The following USP12 variants were observed in gnomAD, a reference collection of about 807,000 sequenced individuals.
USP12 encodes the protein ubiquitin specific peptidase 12.
A neutral mutation model predicts 45.5 loss-of-function variants in USP12; 19 were observed. That is an observed-to-expected ratio of 0.42 (90% CI 0.29 to 0.61). The LOEUF is 0.61. USP12 is among the 20% of genes least tolerant of loss of function. The probability of loss-of-function intolerance (pLI) is 0.22; values close to 1 mark genes in which losing one functional copy is unlikely to be tolerated. For synonymous variants in USP12, 149 were observed against 148.8 expected (o/e 1.00, Z -0.01); for missense variants, 242 against 447.7 (o/e 0.54, Z 4.15).
intron 1 of USP12, chr13:27,170,230 A>G (rs7333276): frequency 0.026 from 10,296 of 398,414 alleles, 386 homozygotes; most frequent in African/African-American, 0.12. Context: ...AATACTGTCG[A>G]TTTTATGTCC....
At chr13:27,071,614 G>A (rs546404703) in intron 7 of USP12, among the ~76,000 whole-genome samples, 1 of 152,038 alleles carries the variant, frequency 6.6e-6, no homozygotes, top group Non-Finnish European at 1.5e-5. Flanking sequence ...AACAGGCAAG[G>A]ATATCAAATC....
chr13:27,070,637 T>A (rs1231635848), intron 8 of USP12, among the ~76,000 whole-genome samples: 5 of 150,906 alleles, frequency 3.3e-5, no homozygotes, highest in Non-Finnish European at 7.4e-5. Context: ...CACCACAACC[T>A]CCGCCTCCCG....
intron 1 of USP12, among the ~76,000 whole-genome samples, chr13:27,148,209 A>G (rs1593208384): frequency 1.3e-5 from 2 of 152,180 alleles, no homozygotes; most frequent in African/African-American, 4.8e-5. Context: ...AAGAAATACT[A>G]AAGAAAGTTG....
chr13:27,153,676 G>A (rs1464619067), intron 1 of USP12, among the ~76,000 whole-genome samples: 4 of 152,070 alleles, frequency 2.6e-5, no homozygotes, highest in African/African-American at 9.7e-5. Context: ...TGTTCTGCTG[G>A]ATGTGAATTT....
rs189669353 is a variant in USP12, at chr13:27,159,120, G to A, written c.48+12472C>T. Among the ~76,000 whole-genome samples the A allele has an allele frequency of 1.7e-4, 26 of 152,268 alleles. 1 individual carries two copies. The highest frequency in any genetic ancestry group is 1.6e-3 in the Admixed American group (24 of 15,296). ...AATTTTGCAGTTTTAAAAATAGTAA[G>A]TGGTTTGGTTTTTCTTAAACTTCTA... On this transcript the variant is annotated intron_variant, in intron 1 of 8. Transcript: ENST00000282344.
At chr13:27,130,579 A>G (rs2137810373) in intron 1 of USP12, among the ~76,000 whole-genome samples, 1 of 151,390 alleles carries the variant, frequency 6.6e-6, no homozygotes, top group South Asian at 2.1e-4. Flanking sequence ...AAAAAAAAGG[A>G]AAATATGGTG....
chr13:27,152,959 A>G (rs4771074), intron 1 of USP12, among the ~76,000 whole-genome samples: 86,540 of 140,874 alleles, frequency 0.61, 26,903 homozygotes, highest in South Asian at 0.83. Context: ...AAAAAAAAAA[A>G]GAAAGAAAGA....
intron 1 of USP12, among the ~76,000 whole-genome samples, chr13:27,124,448 A>C (rs1876134661): frequency 6.6e-6 from 1 of 152,262 alleles, no homozygotes; most frequent in South Asian, 2.1e-4. Flanking sequence ...TATCATTTGG[A>C]AAATGTATTT....
chr13:27,123,073 C>T (rs1178439991), intron 1 of USP12, among the ~76,000 whole-genome samples: 1 of 142,182 alleles, frequency 7.0e-6, no homozygotes, highest in Non-Finnish European at 1.5e-5. Context: ...GCCTGGATGA[C>T]AGAGTGAGAG....
chr13:27,162,063 A>G (rs1053877965), intron 1 of USP12, among the ~76,000 whole-genome samples: 11 of 152,166 alleles, frequency 7.2e-5, no homozygotes, highest in Non-Finnish European at 1.3e-4. Flanking sequence ...TACAACTCCT[A>G]CAGTCCACAG....
intron 8 of USP12, among the ~76,000 whole-genome samples, chr13:27,070,726 T>A (rs887793430): frequency 6.6e-6 from 1 of 152,132 alleles, no homozygotes; most frequent in South Asian, 2.1e-4. Context: ...GCTAATTTTG[T>A]ATTTTTAGGA....
intron 1 of USP12, among the ~76,000 whole-genome samples, chr13:27,122,618 C>T (rs1285429068): frequency 1.3e-5 from 2 of 151,756 alleles, no homozygotes; most frequent in African/African-American, 4.8e-5. Flanking sequence ...TGCCACTACA[C>T]CCCAGCCTGG....
At chr13:27,146,199 C>T (rs1379059761) in intron 1 of USP12, among the ~76,000 whole-genome samples, 7 of 152,094 alleles carry the variant, frequency 4.6e-5, no homozygotes, top group South Asian at 2.1e-4. Flanking sequence ...GTCAGGAGTT[C>T]GAGACCAGCC....
chr13:27,071,740 A>G (rs1873255172), intron 7 of USP12, among the ~76,000 whole-genome samples: 1 of 152,240 alleles, frequency 6.6e-6, no homozygotes, highest in Non-Finnish European at 1.5e-5. Flanking sequence ...AACTATGACT[A>G]TGATTGCCCC....
chr13:27,124,995 C>T (rs983119713), intron 1 of USP12, among the ~76,000 whole-genome samples: 3 of 152,194 alleles, frequency 2.0e-5, no homozygotes, highest in Non-Finnish European at 4.4e-5. Flanking sequence ...TACCTGTGTT[C>T]TCTCTAGCCC....
rs562666025 is a variant in USP12, at chr13:27,078,848, G to A, written c.735-3460C>T. Among the ~76,000 whole-genome samples the A allele has an allele frequency of 1.1e-4, 16 of 152,098 alleles. No homozygotes were observed. In the South Asian group the frequency reaches 2.3e-3, roughly 22 times the overall value. On this transcript the variant is annotated intron_variant, in intron 6 of 8. Transcript: ENST00000282344. The stretch of plus-strand genomic sequence containing the variant: ...AGGAAAATATGAACACCCTAACTAT[G>A]GACTTAATTGACATTTATGGAATAC...
intron 1 of USP12, among the ~76,000 whole-genome samples, chr13:27,144,499 TAAAAA>T (rs56311173): frequency 2.5e-5 from 3 of 118,072 alleles, no homozygotes; most frequent in South Asian, 5.5e-4. Flanking sequence ...AGACTCTCTT[TAAAAA>T]AAAAAAAAAA....
chr13:27,069,463 T>C (rs1873139467), intron 8 of USP12, 79 bp from the exon 9 acceptor site: 2 of 760,578 alleles, frequency 2.6e-6, no homozygotes, highest in Admixed American at 2.0e-5. Context: ...AGACTGACAA[T>C]ACCAAGTATT....
rs149153250 is a variant in USP12, at chr13:27,154,189, C to T, written c.48+17403G>A. On this transcript the variant is annotated intron_variant, in intron 1 of 8. Transcript: ENST00000282344. Reference sequence around the variant, plus strand: ...CTCCAAGATTATCTTTTAATGAAGCCGAACCATCATTTAAATTACTATGCT... The same window carrying T: ...CTCCAAGATTATCTTTTAATGAAGCTGAACCATCATTTAAATTACTATGCT... 6.9e-4 allele frequency among the ~76,000 whole-genome samples: 105 copies of T among 152,228 alleles called. No individual in the cohort carries two copies. The East Asian group carries it at 0.018, about 26-fold the overall frequency.
Sources: gnomAD v4.1 joint callset for allele counts (sites outside exome capture counted in the v4.1 genomes callset) on GRCh38, gnomAD v4.1.1 for gene constraint, MANE v1.5 for transcripts, NCBI Gene and HGNC (gene_info 2026-07-23, HGNC 2026-07-21) for gene names.